The following NAV2 variants were observed in gnomAD, a reference collection of about 807,000 sequenced individuals.
NAV2 encodes the protein neuron navigator 2, also known as helicase, APC down-regulated 1.
NAV2 carries 54 observed loss-of-function variants against 223.2 expected under a neutral mutation model. The ratio of observed to expected loss-of-function variants is 0.24; its 90% CI spans 0.19 to 0.30. The LOEUF (loss-of-function observed/expected upper bound fraction) is 0.30, where lower values mean the gene tolerates loss of function less well. Among genes scored for constraint, NAV2 ranks in the 10% least tolerant of loss-of-function variants. The pLI is 1.00. For missense variants in NAV2, 2,806 were observed against 3,147.5 expected (o/e 0.89, Z 2.60); for synonymous variants, 1,279 against 1,239.3 (o/e 1.03, Z -0.67).
At chr11:20,005,500 C>T (rs146193880) in intron 11 of NAV2, among the ~76,000 whole-genome samples, 10,642 of 151,496 alleles carry the variant, frequency 0.07, 421 homozygotes, top group South Asian at 0.13. Flanking sequence ...TCTGCCTCAG[C>T]CTCCCAAAGT....
intron 1 of NAV2, among the ~76,000 whole-genome samples, chr11:19,801,687 A>G (rs942350307): frequency 2.6e-5 from 4 of 152,180 alleles, no homozygotes; most frequent in African/African-American, 7.2e-5. Context: ...CTGGAGGCAC[A>G]GTGACAAAGA....
At chr11:19,681,693 T>A (rs866623469) in intron 1 of NAV2, among the ~76,000 whole-genome samples, 1 of 152,184 alleles carries the variant, frequency 6.6e-6, no homozygotes, top group Non-Finnish European at 1.5e-5. Flanking sequence ...AGTCTGGGAT[T>A]GGAGTACAGG....
At chr11:20,010,342 G>A (rs547064223) in intron 11 of NAV2, among the ~76,000 whole-genome samples, 1 of 152,276 alleles carries the variant, frequency 6.6e-6, no homozygotes, top group African/African-American at 2.4e-5. Context: ...GTCTGCTCCC[G>A]TGGATCAGGA....
chr11:19,471,465 C>T (rs1441034988), intron 1 of NAV2, among the ~76,000 whole-genome samples: 2 of 152,158 alleles, frequency 1.3e-5, no homozygotes, highest in Admixed American at 6.5e-5. Flanking sequence ...GTGGTGTGTA[C>T]TTCAGGACTA....
intron 22 of NAV2, among the ~76,000 whole-genome samples, chr11:20,076,096 T>G (rs142966665): frequency 3.3e-5 from 5 of 152,316 alleles, no homozygotes; most frequent in Non-Finnish European, 5.9e-5. Context: ...CGGCCTTGTT[T>G]CATTTAGCTG....
At chr11:19,398,751 G>T (rs898682858) in intron 1 of NAV2, among the ~76,000 whole-genome samples, 2 of 152,136 alleles carry the variant, frequency 1.3e-5, no homozygotes, top group African/African-American at 4.8e-5. Context: ...GGATTAAAAA[G>T]CATTCTGTTA....
intron 4 of NAV2, among the ~76,000 whole-genome samples, chr11:19,869,418 C>A (rs1021612250): frequency 1.3e-5 from 2 of 152,206 alleles, no homozygotes; most frequent in South Asian, 4.1e-4. Context: ...TTCGAGGAAG[C>A]AGCACTTTTT....
At chr11:19,562,009 T>C (rs912565244) in intron 1 of NAV2, among the ~76,000 whole-genome samples, 1 of 152,224 alleles carries the variant, frequency 6.6e-6, no homozygotes, top group Middle Eastern at 3.2e-3. Context: ...TGTCACCCCA[T>C]CCAGAGATGC....
At chr11:19,605,738 T>C (rs1207961213) in intron 1 of NAV2, among the ~76,000 whole-genome samples, 1 of 152,134 alleles carries the variant, frequency 6.6e-6, no homozygotes, top group Non-Finnish European at 1.5e-5. Context: ...CAATGCAGAC[T>C]TTTTCTAAGG....
chr11:19,960,419 G>C (rs754048690), intron 10 of NAV2, among the ~76,000 whole-genome samples: 2 of 151,998 alleles, frequency 1.3e-5, no homozygotes, highest in Non-Finnish European at 2.9e-5. Context: ...ACCCTAGAGG[G>C]TAATTGTTAC....
At chr11:19,357,333 G>T (rs546242089) in intron 1 of NAV2, among the ~76,000 whole-genome samples, 3 of 152,246 alleles carry the variant, frequency 2.0e-5, no homozygotes, top group East Asian at 3.9e-4. Context: ...TGTCACCTAG[G>T]TTGTTTGGTA....
intron 24 of NAV2, among the ~76,000 whole-genome samples, chr11:20,078,974 TGTGA>T (rs1361936621): frequency 6.6e-6 from 1 of 152,236 alleles, no homozygotes; most frequent in Non-Finnish European, 1.5e-5. Context: ...ACAACAATCT[TGTGA>T]GTGTGATTCT....
At chr11:19,926,065 T>G (rs1045062269) in intron 6 of NAV2, among the ~76,000 whole-genome samples, 9 of 152,170 alleles carry the variant, frequency 5.9e-5, no homozygotes, top group African/African-American at 2.2e-4. Flanking sequence ...TGGGGGTCCC[T>G]TGAGATTCCA....
At chr11:19,454,792 C>A (rs146596971) in intron 1 of NAV2, among the ~76,000 whole-genome samples, 4 of 152,252 alleles carry the variant, frequency 2.6e-5, no homozygotes, top group African/African-American at 4.8e-5. Flanking sequence ...TGAGAAGGAG[C>A]TAGCAAGGGG....
intron 1 of NAV2, among the ~76,000 whole-genome samples, chr11:19,523,170 C>CTGAT (rs903612168): frequency 1.3e-5 from 2 of 152,204 alleles, no homozygotes; most frequent in African/African-American, 4.8e-5. Flanking sequence ...CTCTGTTGAC[C>CTGAT]ATCACTCCAC....
intron 1 of NAV2, among the ~76,000 whole-genome samples, chr11:19,723,795 GTCC>G (rs2050981297): frequency 6.6e-6 from 1 of 152,172 alleles, no homozygotes; most frequent in Non-Finnish European, 1.5e-5. Flanking sequence ...CCTTGTTCCT[GTCC>G]TCCTGCCACA....
chr11:19,741,685 GTGTATATATATATATATATATATATA>G (rs1239841107), intron 1 of NAV2, among the ~76,000 whole-genome samples: 3 of 131,860 alleles, frequency 2.3e-5, no homozygotes, highest in East Asian at 2.1e-4. Flanking sequence ...ATGTGTGTGT[GTGTATATATATATATATATATATATA>G]TATATATATA....
chr11:19,427,340 T>A (rs533499664), intron 1 of NAV2, among the ~76,000 whole-genome samples: 4 of 152,374 alleles, frequency 2.6e-5, no homozygotes, highest in African/African-American at 9.6e-5. Flanking sequence ...GTGCTGGTCC[T>A]TCTTCCTTCT....
chr11:20,054,181 T>C lies in NAV2; in HGVS notation c.4583T>C (p.Phe1528Ser). The change falls in exon 18 of 38, where the codon TTT (phenylalanine) becomes TCT (serine). Residue 1528 changes from phenylalanine to serine, a missense_variant. By Grantham distance (155) the Phe-to-Ser change is radical. Transcript: ENST00000349880. Reference sequence around the variant, plus strand: ...CAGGACACCGCTGCCAATTCCCCCTTTTCCTCTGGCTCCAGCGTGACTTCT... The same window carrying C: ...CAGGACACCGCTGCCAATTCCCCCTCTTCCTCTGGCTCCAGCGTGACTTCT... ...GLQDTAANSP[F>S]SSGSSVTSPS... 5 of 1,613,638 alleles carry C rather than the reference T, an allele frequency of 3.1e-6. No homozygotes were observed. The highest frequency in any genetic ancestry group is 4.2e-6 in the Non-Finnish European group (5 of 1,179,930).
Sources: gnomAD v4.1 joint callset for allele counts (sites outside exome capture counted in the v4.1 genomes callset) on GRCh38, gnomAD v4.1.1 for gene constraint, MANE v1.5 for transcripts, NCBI Gene and HGNC (gene_info 2026-07-23, HGNC 2026-07-21) for gene names.